DLG2: variants seen among roughly 807,000 people sequenced by gnomAD.
DLG2 encodes the protein discs large MAGUK scaffold protein 2.
In DLG2, 45 loss-of-function variants were observed where a neutral mutation model predicts 132.5. That is an observed-to-expected ratio of 0.34 (90% confidence interval 0.27 to 0.44). The LOEUF is 0.44. Ranked by LOEUF, DLG2 falls within the 20% of genes least tolerant of loss-of-function variation. The probability of loss-of-function intolerance (pLI) is 1.00; values close to 1 mark genes in which losing one functional copy is unlikely to be tolerated. For synonymous variants in DLG2, 424 were observed against 419.6 expected (o/e 1.01, Z -0.13); for missense variants, 1,045 against 1,196.9 (o/e 0.87, Z 1.87).
chr11:85,100,195 A>C (rs964335448), intron 6 of DLG2, among the ~76,000 whole-genome samples: 5 of 152,114 alleles, frequency 3.3e-5, no homozygotes, highest in African/African-American at 1.2e-4. Context: ...GCTGTGAGAG[A>C]GTTCATTGCT....
At chr11:83,885,101 G>T (rs1192079608) in intron 15 of DLG2, among the ~76,000 whole-genome samples, 1 of 152,252 alleles carries the variant, frequency 6.6e-6, no homozygotes, top group Non-Finnish European at 1.5e-5. Flanking sequence ...GACAGAGAAT[G>T]ACTTTGACAA....
chr11:84,835,501 C>T (rs575355998), intron 6 of DLG2, among the ~76,000 whole-genome samples: 1 of 151,660 alleles, frequency 6.6e-6, no homozygotes, highest in East Asian at 2.0e-4. Flanking sequence ...GCATAATAAC[C>T]AGAAGCCAGG....
At chr11:85,070,094 AT>A (rs2065599501) in intron 6 of DLG2, among the ~76,000 whole-genome samples, 1 of 152,018 alleles carries the variant, frequency 6.6e-6, no homozygotes, top group South Asian at 2.1e-4. Context: ...ATAGGTGGGA[AT>A]TGAACAATGA....
At chr11:84,946,089 T>G (rs957084756) in intron 6 of DLG2, among the ~76,000 whole-genome samples, 14 of 152,148 alleles carry the variant, frequency 9.2e-5, no homozygotes, top group African/African-American at 3.4e-4. Context: ...CTGACAGCCC[T>G]GTGCCTCTCC....
chr11:83,941,668 A>G (rs2154139180), intron 14 of DLG2, among the ~76,000 whole-genome samples: 1 of 152,312 alleles, frequency 6.6e-6, no homozygotes, highest in African/African-American at 2.4e-5. Context: ...TGATGGGATG[A>G]CAGGTGTAAG....
chr11:84,762,212 T>G (rs2067727179), intron 6 of DLG2: 1 of 152,210 alleles, frequency 6.6e-6, no homozygotes, highest in Non-Finnish European at 1.5e-5. Context: ...ATTTAAACAT[T>G]TTTATTACAC....
intron 7 of DLG2, among the ~76,000 whole-genome samples, chr11:84,293,172 G>C (rs549102933): frequency 1.3e-5 from 2 of 152,134 alleles, no homozygotes; most frequent in African/African-American, 4.8e-5. Context: ...CGGGTGGTGT[G>C]TGTTGGAAGT....
Position 84,163,521 on chromosome 11 carries a change from G to A in DLG2, c.574-10C>T, listed in dbSNP as rs373190735. ...TTTCTGTCCCATTGACCTGTAAATA[G>A]GGAAAAAATAAGAAGAGAACTATTA... On this transcript the variant is annotated splice_polypyrimidine_tract_variant and intron_variant, in intron 8 of 27. Coordinates refer to ENST00000376104, the MANE Select transcript of DLG2 (RefSeq NM_001142699.3). 1.3e-6 allele frequency: 2 copies of A among 1,597,792 alleles called. No individual in the cohort carries two copies. The highest frequency in any genetic ancestry group is 1.1e-5 in the South Asian group (1 of 88,462).
intron 5 of DLG2, among the ~76,000 whole-genome samples, chr11:85,119,668 TA>T (rs1277015353): frequency 6.6e-6 from 1 of 152,014 alleles, no homozygotes; most frequent in East Asian, 1.9e-4. Context: ...CTGTAACTTC[TA>T]AAACAAGCTA....
At chr11:83,956,283 A>G (rs1201992511) in intron 14 of DLG2, among the ~76,000 whole-genome samples, 1 of 152,164 alleles carries the variant, frequency 6.6e-6, no homozygotes, top group Admixed American at 6.5e-5. Context: ...AGGCTGTCAC[A>G]CCAGACCTTG....
chr11:85,063,584 G>C (rs894116107), intron 6 of DLG2, among the ~76,000 whole-genome samples: 3 of 151,820 alleles, frequency 2.0e-5, no homozygotes, highest in African/African-American at 7.3e-5. Flanking sequence ...TGGCTTAGGA[G>C]ATTTCTTTCT....
chr11:84,521,689 A>G (rs1459087988), intron 7 of DLG2, among the ~76,000 whole-genome samples: 1 of 152,192 alleles, frequency 6.6e-6, no homozygotes, highest in Non-Finnish European at 1.5e-5. Context: ...TCTAATTCAT[A>G]TAAATATGTT....
In DLG2 at chr11:85,279,450, A is replaced by G. The variant is rs1247236613; in HGVS notation, c.186+5770T>C. 2.0e-5 allele frequency among the ~76,000 whole-genome samples: 3 copies of G among 152,150 alleles called. No individual in the cohort carries two copies. The South Asian group carries it at 6.2e-4, about 32-fold the overall frequency. ...TCATTCCTTTCAAGGGCTAATTTCT[A>G]TGCCACTTGCCAGGCTGCTATAATA... On this transcript the variant is annotated intron_variant, in intron 4 of 27. Transcript: ENST00000376104.
intron 11 of DLG2, among the ~76,000 whole-genome samples, chr11:83,995,854 C>T (rs1331379292): frequency 6.6e-6 from 1 of 152,154 alleles, no homozygotes; most frequent in African/African-American, 2.4e-5. Flanking sequence ...AATCTAAGAC[C>T]TGAAACCATG....
chr11:84,900,664 T>C (rs2090771887), intron 6 of DLG2, among the ~76,000 whole-genome samples: 1 of 152,086 alleles, frequency 6.6e-6, no homozygotes, highest in African/African-American at 2.4e-5. Flanking sequence ...AACAACATTA[T>C]GTTCATGCAT....
At chr11:84,374,388 G>T (rs114190156) in intron 7 of DLG2, among the ~76,000 whole-genome samples, 1 of 152,132 alleles carries the variant, frequency 6.6e-6, no homozygotes, top group Non-Finnish European at 1.5e-5. Flanking sequence ...TGTTCAACTC[G>T]CAGCCCACAG....
chr11:84,436,313 G>T (rs1011117413), intron 7 of DLG2, among the ~76,000 whole-genome samples: 1 of 152,102 alleles, frequency 6.6e-6, no homozygotes, highest in East Asian at 1.9e-4. Context: ...AAAAAAATTC[G>T]TATCTTGGTT....
intron 12 of DLG2, among the ~76,000 whole-genome samples, chr11:83,976,092 T>C (rs1045519833): frequency 3.3e-5 from 5 of 151,954 alleles, no homozygotes; most frequent in African/African-American, 9.6e-5. Context: ...ATATGGATGG[T>C]ATGATTCAGG....
chr11:83,766,097 T>A (rs1027817356), intron 18 of DLG2, among the ~76,000 whole-genome samples: 1 of 76,552 alleles, frequency 1.3e-5, no homozygotes, highest in African/African-American at 1.3e-4. Context: ...ACTGAATGCT[T>A]TTTTTTTTTT....
Sources: allele counts gnomAD v4.1 joint callset (sites outside exome capture counted in the v4.1 genomes callset), GRCh38; gene constraint gnomAD v4.1.1; transcripts MANE v1.5; gene names NCBI Gene and HGNC (gene_info 2026-07-23, HGNC 2026-07-21).